The following USP13 variants were observed in gnomAD, a reference collection of about 807,000 sequenced individuals.
USP13 encodes ubiquitin specific peptidase 13, also known as ubiquitin carboxyl-terminal hydrolase 13.
Under a neutral mutation model 107.8 loss-of-function variants are expected in USP13, and 68 were observed. That is an observed-to-expected ratio of 0.63 (90% CI 0.52 to 0.77). USP13 has a LOEUF of 0.77. Ranked by LOEUF, USP13 falls within the 30% of genes least tolerant of loss-of-function variation. USP13 has a pLI of 0.00. For missense variants in USP13, 945 were observed against 1,093.3 expected, an observed-to-expected ratio of 0.86 and a Z score of 1.91; for synonymous variants, 377 against 389.5, an observed-to-expected ratio of 0.97 and a Z score of 0.38.
intron 4 of USP13, among the ~76,000 whole-genome samples, chr3:179,706,678 C>A (rs1381410520): frequency 6.6e-6 from 1 of 152,164 alleles, no homozygotes; most frequent in East Asian, 1.9e-4. Flanking sequence ...TAAATCTGAC[C>A]TCTAAGCTTG....
At chr3:179,767,079 A>G (rs1715198496) in intron 19 of USP13, among the ~76,000 whole-genome samples, 1 of 152,166 alleles carries the variant, frequency 6.6e-6, no homozygotes, top group African/African-American at 2.4e-5. Flanking sequence ...ATCACTGCAC[A>G]CTAAAATTCT....
intron 5 of USP13, 105 bp from the exon 6 acceptor site, chr3:179,708,668 T>C (rs1437385081): frequency 2.6e-5 from 35 of 1,365,734 alleles, no homozygotes; most frequent in Non-Finnish European, 1.0e-6. Context: ...GTTATTCCAC[T>C]GAGCCTTTGT....
intron 3 of USP13, among the ~76,000 whole-genome samples, chr3:179,692,627 T>C (rs1712151944): frequency 6.6e-6 from 1 of 152,266 alleles, no homozygotes; most frequent in African/African-American, 2.4e-5. Flanking sequence ...TTCATTTGAA[T>C]TAAGTAACGT....
Position 179,740,227 on chromosome 3 carries a change from A to T in USP13, c.1255-20A>T. ...ATTTGCATGAAAGTATCATAAGTCC[A>T]TTTCATTTTTATACATTAGCCACAG... is the stretch of plus-strand genomic sequence containing the variant. On this transcript the variant is annotated intron_variant, in intron 10 of 20. Coordinates refer to ENST00000263966, the MANE Select transcript of USP13 (RefSeq NM_003940.3). The T allele has an allele frequency of 6.2e-7, 1 of 1,612,744 alleles. No individual in the cohort carries two copies. The highest frequency in any genetic ancestry group is 8.5e-7 in the Non-Finnish European group (1 of 1,178,958).
chr3:179,698,270 A>C (rs2108471639), intron 3 of USP13, among the ~76,000 whole-genome samples: 1 of 152,284 alleles, frequency 6.6e-6, no homozygotes, highest in South Asian at 2.1e-4. Context: ...TGGTTGTGTT[A>C]GTTGTCAGGA....
chr3:179,720,341 G>A (rs143280445), intron 7 of USP13, among the ~76,000 whole-genome samples: 1,799 of 152,156 alleles, frequency 0.012, 39 homozygotes, highest in African/African-American at 0.041. Flanking sequence ...TTCTTTGTTC[G>A]CGAAACGCAG....
chr3:179,730,255 A>G lies in USP13; in HGVS notation c.1155A>G (p.Thr385=). ...SPLDPTQDFN[T]QMTKLGHGLL... ...TAGATCCAACACAAGATTTCAACACACAGATGTAAGTGCCAGATTTGTATT... is the reference window on the plus strand; with the variant it reads ...TAGATCCAACACAAGATTTCAACACGCAGATGTAAGTGCCAGATTTGTATT... The change falls in exon 9 of 21, where the codon ACA becomes ACG. Residue 385 remains threonine (T), a synonymous_variant. Transcript: ENST00000263966. 6.2e-7 allele frequency: 1 copy of G among 1,604,770 alleles called. No homozygotes were observed. The highest frequency in any genetic ancestry group is 8.5e-7 in the Non-Finnish European group (1 of 1,178,160).
At chr3:179,667,159 A>T (rs1284649491) in intron 1 of USP13, among the ~76,000 whole-genome samples, 1 of 152,188 alleles carries the variant, frequency 6.6e-6, no homozygotes, top group Non-Finnish European at 1.5e-5. Context: ...CGAGAAGAAG[A>T]TGAAATGGCA....
intron 1 of USP13, among the ~76,000 whole-genome samples, chr3:179,671,735 A>AT (rs1477305114): frequency 1.3e-5 from 2 of 151,440 alleles, no homozygotes; most frequent in Non-Finnish European, 2.9e-5. Flanking sequence ...CATTTGGTTA[A>AT]TTTTTTTTTC....
At chr3:179,779,388 G>C (rs1041518777) in intron 19 of USP13, among the ~76,000 whole-genome samples, 1 of 151,986 alleles carries the variant, frequency 6.6e-6, no homozygotes, top group African/African-American at 2.4e-5. Flanking sequence ...AAAAACATTA[G>C]CCAGGCATGG....
chr3:179,746,528 G>A (rs1337114571), intron 13 of USP13, among the ~76,000 whole-genome samples: 1 of 152,048 alleles, frequency 6.6e-6, no homozygotes, highest in Non-Finnish European at 1.5e-5. Context: ...CGCCTCCCAG[G>A]TTCAAGTGAT....
At chr3:179,765,227 C>A (rs7623940) in intron 18 of USP13, among the ~76,000 whole-genome samples, 2,253 of 152,282 alleles carry the variant, frequency 0.015, 35 homozygotes, top group Middle Eastern at 0.065. Context: ...TACCAACATT[C>A]CAGGAGAGAA....
intron 2 of USP13, among the ~76,000 whole-genome samples, chr3:179,685,973 A>G (rs1485753477): frequency 6.6e-6 from 1 of 152,122 alleles, no homozygotes; most frequent in Non-Finnish European, 1.5e-5. Context: ...ACTGTCCTCC[A>G]GAACTCCAAA....
rs147887335 is a variant in USP13, at chr3:179,719,981, C to T, written c.847C>T (p.His283Tyr). The T allele has an allele frequency of 6.2e-7, 1 of 1,614,012 alleles. No individual in the cohort carries two copies. The highest frequency in any genetic ancestry group is 8.5e-7 in the Non-Finnish European group (1 of 1,180,028). Residue 283 changes from histidine (H) to tyrosine (Y), a missense_variant, in exon 7 of 21, where the codon CAT (histidine) becomes TAT (tyrosine). Physicochemically the swap from His to Tyr is moderately conservative, Grantham distance 83. Coordinates refer to ENST00000263966, the MANE Select transcript of USP13 (RefSeq NM_003940.3). ...FQEEEPVLDP[H>Y]LAKHLAHFGI... The stretch of plus-strand genomic sequence containing the variant: ...AGAAGAAGAACCTGTTTTGGATCCT[C>T]ATTTGGCCAAGCACTTAGCGCATTT...
rs1239804129 is a variant in USP13 at position 179,681,871 on chromosome 3, C to T, written c.169-7C>T. On this transcript the variant is annotated splice_polypyrimidine_tract_variant and splice_region_variant and intron_variant, in intron 1 of 20. Transcript: ENST00000263966. ...GTCGGCTAATGTACTTTTTCTCTTT[C>T]TTCTAGAATTCTGAAGGTGGACTCT... The T allele has an allele frequency of 1.9e-6, 3 of 1,609,768 alleles. No individual in the cohort carries two copies. The African/African-American group carries it at 4.0e-5, about 22-fold the overall frequency.
At chr3:179,745,517 T>C (rs62290423) in intron 13 of USP13, among the ~76,000 whole-genome samples, 2 of 139,514 alleles carry the variant, frequency 1.4e-5, no homozygotes, top group East Asian at 2.1e-4. Context: ...TTCCTTCCTT[T>C]CTTTCTTCCT....
intron 4 of USP13, among the ~76,000 whole-genome samples, chr3:179,702,116 T>C (rs1304086250): frequency 1.3e-5 from 2 of 151,978 alleles, no homozygotes; most frequent in African/African-American, 4.8e-5. Flanking sequence ...ACCTCCCGGG[T>C]TCACGCCGTT....
chr3:179,761,195 A>C lies in USP13; in HGVS notation c.2032A>C (p.Thr678Pro), dbSNP rs1382248133. Residue 678 changes from threonine to proline, a missense_variant, in exon 17 of 21, where the codon ACT becomes CCT. Physicochemically the swap from Thr to Pro is conservative, Grantham distance 38 (BLOSUM62 -1). Transcript: ENST00000263966. ...LEACRKAVYF[T>P]GNMGAEVAFN... is the part of the protein sequence containing the mutation. Reference sequence around the variant, plus strand: ...AGCATGTCGCAAGGCTGTGTACTTCACTGGAAATATGGGCGCCGAGGTGGC... The same window carrying C: ...AGCATGTCGCAAGGCTGTGTACTTCCCTGGAAATATGGGCGCCGAGGTGGC... 1.5e-5 allele frequency: 25 copies of C among 1,614,040 alleles called. No individual in the cohort carries two copies. Among genetic ancestry groups the C allele is most frequent in the Non-Finnish European group, 1.9e-5 (23 of 1,180,034 alleles).
At chr3:179,781,886 C>A in intron 20 of USP13, 63 bp downstream of exon 20, 1 of 1,363,648 alleles carries the variant, frequency 7.3e-7, no homozygotes, top group South Asian at 1.2e-5. Context: ...ATATGCCAGG[C>A]ACTCTCCTAG....
Sources: allele counts gnomAD v4.1 joint callset (sites outside exome capture counted in the v4.1 genomes callset), GRCh38; gene constraint gnomAD v4.1.1; transcripts MANE v1.5; gene names NCBI Gene and HGNC (gene_info 2026-07-23, HGNC 2026-07-21).